DLG2: variants seen among roughly 807,000 people sequenced by gnomAD.
DLG2 encodes the protein discs large MAGUK scaffold protein 2, also known as disks large homolog 2.
A neutral mutation model predicts 132.5 loss-of-function variants in DLG2; 45 were observed. The observed-to-expected ratio is 0.34, with a 90% CI of 0.27 to 0.44. The LOEUF (loss-of-function observed/expected upper bound fraction) is 0.44, where lower values mean the gene tolerates loss of function less well. DLG2 is among the 20% of genes least tolerant of loss of function. DLG2 has a pLI of 1.00. For synonymous variants in DLG2, 424 were observed against 419.6 expected (o/e 1.01, Z -0.13); for missense variants, 1,045 against 1,196.9 (o/e 0.87, Z 1.87).
At chr11:83,568,036 C>T (rs543678879) in intron 19 of DLG2, among the ~76,000 whole-genome samples, 2 of 152,174 alleles carry the variant, frequency 1.3e-5, no homozygotes, top group African/African-American at 4.8e-5. Context: ...TCTGTAAGGA[C>T]ACAGACAGGT....
At chr11:83,755,149 T>G (rs558268197) in intron 18 of DLG2, among the ~76,000 whole-genome samples, 2 of 151,498 alleles carry the variant, frequency 1.3e-5, no homozygotes, top group East Asian at 3.9e-4. Flanking sequence ...AAAATAATAT[T>G]TTTTAAATGT....
chr11:83,783,558 T>A (rs1437152959), intron 18 of DLG2, among the ~76,000 whole-genome samples: 1 of 152,108 alleles, frequency 6.6e-6, no homozygotes, highest in East Asian at 1.9e-4. Context: ...AAGTGAAAAC[T>A]CAAGTGCTGA....
intron 15 of DLG2, among the ~76,000 whole-genome samples, chr11:83,921,602 T>C (rs1269517037): frequency 6.6e-6 from 1 of 152,188 alleles, no homozygotes; most frequent in Non-Finnish European, 1.5e-5. Context: ...GGTTTAACGT[T>C]ACTATCTTGA....
intron 6 of DLG2, among the ~76,000 whole-genome samples, chr11:84,920,449 T>C (rs930192168): frequency 7.9e-5 from 12 of 152,200 alleles, no homozygotes; most frequent in Non-Finnish European, 1.0e-4. Context: ...TGATTTTGTT[T>C]GTTTGTTTTG....
At chr11:85,476,289 T>C (rs2093138954) in intron 3 of DLG2, among the ~76,000 whole-genome samples, 2 of 152,170 alleles carry the variant, frequency 1.3e-5, no homozygotes, top group South Asian at 2.1e-4. Context: ...TTACCATGAA[T>C]GGGGCTTACA....
chr11:84,695,141 G>T (rs911155109), intron 6 of DLG2, among the ~76,000 whole-genome samples: 1 of 151,494 alleles, frequency 6.6e-6, no homozygotes, highest in Non-Finnish European at 1.5e-5. Flanking sequence ...AGCTGCTATT[G>T]TGTTCCAAGC....
chr11:85,472,577 C>T (rs1458616138), intron 3 of DLG2, among the ~76,000 whole-genome samples: 1 of 152,170 alleles, frequency 6.6e-6, no homozygotes, highest in East Asian at 1.9e-4. Flanking sequence ...GGATTCCAGG[C>T]GTGAGCCACC....
chr11:85,069,313 A>T, intron 6 of DLG2, among the ~76,000 whole-genome samples: 1 of 152,140 alleles, frequency 6.6e-6, no homozygotes, highest in African/African-American at 2.4e-5. Context: ...GGATCTGATT[A>T]AACTAAAGAG....
At chr11:85,564,354 A>G (rs948662218) in intron 3 of DLG2, among the ~76,000 whole-genome samples, 2 of 151,386 alleles carry the variant, frequency 1.3e-5, no homozygotes, top group African/African-American at 4.9e-5. Flanking sequence ...ATTTTCTCCT[A>G]TGTTTTCTTC....
chr11:85,549,196 A>G (rs1310783151), intron 3 of DLG2, among the ~76,000 whole-genome samples: 1 of 152,114 alleles, frequency 6.6e-6, no homozygotes, highest in Non-Finnish European at 1.5e-5. Flanking sequence ...GCTGGAGTAC[A>G]TGGTACAGTC....
intron 4 of DLG2, among the ~76,000 whole-genome samples, chr11:85,159,100 C>T (rs2101757): frequency 0.039 from 5,896 of 152,224 alleles, 158 homozygotes; most frequent in African/African-American, 0.068. Flanking sequence ...TATCTGTGCA[C>T]TGGGGAAAGG....
intron 3 of DLG2, among the ~76,000 whole-genome samples, chr11:85,415,913 G>C (rs1377005199): frequency 6.6e-6 from 1 of 152,134 alleles, no homozygotes; most frequent in Non-Finnish European, 1.5e-5. Flanking sequence ...TGTTGCCATT[G>C]CTTTTGGTGT....
rs759633652 is a variant in DLG2 at position 83,459,807 on chromosome 11, C to T, written c.*11G>A. The T allele has an allele frequency of 4.0e-5, 58 of 1,447,672 alleles. 2 individuals carry two copies. The Middle Eastern group carries it at 5.2e-4, about 13-fold the overall frequency. The allele number at this position is 1,447,672 out of a possible 1,614,324, so 89.7% of individuals were successfully genotyped here. A position where few individuals can be genotyped will look rare whatever the true frequency, so the allele number is the denominator to read the frequency against. The stretch of plus-strand genomic sequence containing the variant: ...TGCTCTTCTGTCGTTGTCAGAGGCG[C>T]AGTAGCTAATTTATAACTTTTCCTT... On this transcript the variant is annotated 3_prime_UTR_variant, in exon 28 of 28. Transcript: ENST00000376104.
chr11:83,563,547 A>C (rs1254007308), intron 19 of DLG2, among the ~76,000 whole-genome samples: 1 of 152,220 alleles, frequency 6.6e-6, no homozygotes, highest in African/African-American at 2.4e-5. Context: ...TGTAAAACTT[A>C]ATGATGGGAC....
At chr11:83,972,553 G>A (rs946922182) in intron 12 of DLG2, among the ~76,000 whole-genome samples, 3 of 152,010 alleles carry the variant, frequency 2.0e-5, no homozygotes, top group African/African-American at 4.8e-5. Flanking sequence ...CTTCTCAAGG[G>A]CAACTGATTA....
In DLG2 at chr11:84,814,288, G is replaced by A. The variant is rs963096513; in HGVS notation, c.358-279557C>T. Among the ~76,000 whole-genome samples the A allele has an allele frequency of 1.1e-4, 16 of 152,036 alleles. 1 individual carries two copies. Among genetic ancestry groups the A allele is most frequent in the African/African-American group, 3.1e-4 (13 of 41,426 alleles). On this transcript the variant is annotated intron_variant, in intron 6 of 27. Transcript: ENST00000376104. The stretch of plus-strand genomic sequence containing the variant: ...CATACTAGTGTAACTGGTATGCAAT[G>A]GAGAAAGTCGCTATCGGGACCTCAA...
chr11:83,655,179 G>A (rs773135347), intron 18 of DLG2, among the ~76,000 whole-genome samples: 5 of 152,146 alleles, frequency 3.3e-5, no homozygotes, highest in African/African-American at 4.8e-5. Context: ...GGGCATTACA[G>A]TTTAAAAACA....
At chr11:84,695,319 A>T (rs1309107923) in intron 6 of DLG2, among the ~76,000 whole-genome samples, 1 of 151,276 alleles carries the variant, frequency 6.6e-6, no homozygotes, top group Non-Finnish European at 1.5e-5. Context: ...GCTTCAAACC[A>T]CTCTGTTCAA....
At chr11:84,212,175 G>A (rs1325784051) in intron 8 of DLG2, among the ~76,000 whole-genome samples, 1 of 152,164 alleles carries the variant, frequency 6.6e-6, no homozygotes, top group Non-Finnish European at 1.5e-5. Context: ...CCTGGAGACC[G>A]TCTTTCTTTG....
Sources: gnomAD v4.1 joint callset for allele counts (sites outside exome capture counted in the v4.1 genomes callset) on GRCh38, gnomAD v4.1.1 for gene constraint, MANE v1.5 for transcripts, NCBI Gene and HGNC (gene_info 2026-07-23, HGNC 2026-07-21) for gene names.